ANKS1B: variants seen among roughly 807,000 people sequenced by gnomAD.
ANKS1B encodes ankyrin repeat and sterile alpha motif domain-containing protein 1B.
A neutral mutation model predicts 148.3 loss-of-function variants in ANKS1B; 36 were observed. That is an observed-to-expected ratio of 0.24 (90% confidence interval 0.19 to 0.32). The LOEUF is 0.32. ANKS1B is among the 10% of genes least tolerant of loss of function. The pLI is 1.00. For missense variants in ANKS1B, 1,157 were observed against 1,542.6 expected (o/e 0.75, Z 4.19); for synonymous variants, 542 against 560.8 (o/e 0.97, Z 0.47).
At chr12:98,883,530 T>C (rs967504292) in intron 17 of ANKS1B, among the ~76,000 whole-genome samples, 1 of 152,246 alleles carries the variant, frequency 6.6e-6, no homozygotes, top group Admixed American at 6.5e-5. Flanking sequence ...ATAGCTTACA[T>C]GGCATTCCTC....
intron 14 of ANKS1B, among the ~76,000 whole-genome samples, chr12:99,181,849 T>A (rs2079155105): frequency 6.6e-6 from 1 of 151,872 alleles, no homozygotes; most frequent in African/African-American, 2.4e-5. Context: ...AATTATTATA[T>A]TTAATTATAT....
intron 17 of ANKS1B, among the ~76,000 whole-genome samples, chr12:98,919,868 CA>C (rs1488381992): frequency 6.6e-6 from 1 of 152,056 alleles, no homozygotes; most frequent in Non-Finnish European, 1.5e-5. Flanking sequence ...CAGAGACTAG[CA>C]AAAGGCAGGG....
intron 9 of ANKS1B, among the ~76,000 whole-genome samples, chr12:99,569,839 T>C (rs1175222201): frequency 6.6e-6 from 1 of 152,164 alleles, no homozygotes; most frequent in East Asian, 1.9e-4. Context: ...CTCGGTCCAA[T>C]CCTGCTTCCT....
intron 12 of ANKS1B, among the ~76,000 whole-genome samples, chr12:99,359,919 T>C (rs1028844088): frequency 5.3e-5 from 8 of 152,178 alleles, no homozygotes; most frequent in African/African-American, 1.7e-4. Flanking sequence ...ATGGTTTTGG[T>C]AAAGTGTTAA....
chr12:99,409,281 T>C (rs2094610686), intron 11 of ANKS1B, among the ~76,000 whole-genome samples: 1 of 152,208 alleles, frequency 6.6e-6, no homozygotes, highest in Non-Finnish European at 1.5e-5. Flanking sequence ...CTCATTTATT[T>C]GTAGGAACTA....
At chr12:99,045,024 T>C (rs1042559172) in intron 17 of ANKS1B, among the ~76,000 whole-genome samples, 1 of 152,200 alleles carries the variant, frequency 6.6e-6, no homozygotes, top group Non-Finnish European at 1.5e-5. Flanking sequence ...TACTCTTTGC[T>C]TTATAAACAG....
In ANKS1B at chr12:98,752,352, G is replaced by A. The variant is rs544677322; in HGVS notation, c.3580-830C>T. Among the ~76,000 whole-genome samples the A allele has an allele frequency of 2.2e-3, 334 of 151,976 alleles. 3 individuals carry two copies. Among genetic ancestry groups the A allele is most frequent in the Non-Finnish European group, 3.6e-3 (247 of 67,980 alleles). On this transcript the variant is annotated intron_variant, in intron 25 of 26. Transcript: ENST00000683438. ...TGGCTCACTGCAACCTCCACCTCCC[G>A]GGTTCAAGCGATTCTCTTGCCTCAG...
At chr12:99,332,517 G>T (rs7300352) in intron 12 of ANKS1B, among the ~76,000 whole-genome samples, 6,014 of 151,914 alleles carry the variant, frequency 0.04, 370 homozygotes, top group African/African-American at 0.13. Flanking sequence ...CCCTTAATTA[G>T]ATCATAGATA....
chr12:99,145,590 T>G (rs1381273407), intron 15 of ANKS1B, among the ~76,000 whole-genome samples: 1 of 152,074 alleles, frequency 6.6e-6, no homozygotes, highest in African/African-American at 2.4e-5. Context: ...AAAGCAGACA[T>G]CCTCTTGACA....
At chr12:98,996,516 A>C (rs1355368438) in intron 17 of ANKS1B, among the ~76,000 whole-genome samples, 1 of 152,066 alleles carries the variant, frequency 6.6e-6, no homozygotes, top group Non-Finnish European at 1.5e-5. Flanking sequence ...TTCAGAAAGA[A>C]GGTATTAAGA....
rs1395204772 is a variant in ANKS1B at position 98,894,522 on chromosome 12, C to T, written c.2779-62386G>A. On this transcript the variant is annotated intron_variant, in intron 17 of 26. Transcript: ENST00000683438. ...GCGTCTCCGCAGCCTTCCCGGCTTG[C>T]CCGACTCGGCTTCCTCCGCCTCTGC... is the stretch of plus-strand genomic sequence containing the variant. The T allele has an allele frequency of 7.2e-6, 7 of 967,254 alleles. No individual in the cohort carries two copies. In the African/African-American group the frequency reaches 1.2e-4, roughly 17 times the overall value. 59.9% of individuals were successfully genotyped at this position (967,254 alleles called of 1,614,324 possible).
rs1408944474 is a variant in ANKS1B at position 99,246,498 on chromosome 12, C to T, written c.2123G>A (p.Gly708Glu). ...NGDQWVMNAGGFVERACTLGR... is the reference protein window; with the variant it reads ...NGDQWVMNAGEFVERACTLGR... ...CAGAGTACAGGCTCTCTCCACAAAT[C>T]CCCCTGCGTTCATAACCCACTGGTC... The change falls in exon 13 of 27, where the codon GGA (glycine) becomes GAA (glutamate). Residue 708 changes from glycine to glutamate, a missense_variant. Around this residue, in one of 6 missense-constraint regions of ANKS1B, gnomAD observed 661 missense variants for 642.1 expected, o/e 1.03. Coordinates refer to ENST00000683438, the MANE Select transcript of ANKS1B (RefSeq NM_001352186.2). 6 of 1,613,744 alleles carry T rather than the reference C, an allele frequency of 3.7e-6. No individual in the cohort carries two copies. In the Admixed American group the frequency reaches 5.0e-5, roughly 13 times the overall value.
intron 15 of ANKS1B, among the ~76,000 whole-genome samples, chr12:99,088,945 C>T (rs2053046997): frequency 7.4e-6 from 1 of 134,276 alleles, no homozygotes; most frequent in Non-Finnish European, 1.5e-5. Flanking sequence ...TCCTGTGTTC[C>T]AGTGATTCTC....
intron 8 of ANKS1B, among the ~76,000 whole-genome samples, chr12:99,715,686 C>T (rs2057227094): frequency 6.6e-6 from 1 of 152,116 alleles, no homozygotes; most frequent in Non-Finnish European, 1.5e-5. Flanking sequence ...AAAGATCCAC[C>T]TATGACCTCG....
chr12:99,482,960 G>C (rs1454835528), intron 10 of ANKS1B, among the ~76,000 whole-genome samples: 1 of 151,358 alleles, frequency 6.6e-6, no homozygotes, highest in Non-Finnish European at 1.5e-5. Context: ...AACAGCAATA[G>C]TTTGACTTCT....
chr12:98,975,836 G>T (rs7953519), intron 17 of ANKS1B, among the ~76,000 whole-genome samples: 7,897 of 152,166 alleles, frequency 0.052, 424 homozygotes, highest in African/African-American at 0.13. Context: ...AGGAAGGCCA[G>T]TGTGGTTGGG....
At chr12:99,020,491 A>G (rs970629755) in intron 17 of ANKS1B, among the ~76,000 whole-genome samples, 18 of 152,190 alleles carry the variant, frequency 1.2e-4, no homozygotes, top group Admixed American at 6.5e-5. Context: ...CTGCCCAAAC[A>G]TAAGTGATTT....
chr12:98,880,489 G>A (rs977198395), intron 17 of ANKS1B, among the ~76,000 whole-genome samples: 3 of 151,946 alleles, frequency 2.0e-5, no homozygotes, highest in Non-Finnish European at 1.5e-5. Flanking sequence ...GTTTCTGGCC[G>A]GGCACGGTGG....
chr12:99,944,166 C>T (rs1019810576), intron 1 of ANKS1B, among the ~76,000 whole-genome samples: 1 of 152,202 alleles, frequency 6.6e-6, no homozygotes, highest in Non-Finnish European at 1.5e-5. Flanking sequence ...CAAATTTACC[C>T]CATCTTCATG....
Sources: gnomAD v4.1 joint callset for allele counts (sites outside exome capture counted in the v4.1 genomes callset) on GRCh38, gnomAD v4.1.1 for gene constraint, gnomAD v4.1.1 regional missense constraint, MANE v1.5 for transcripts, NCBI Gene and HGNC (gene_info 2026-07-23, HGNC 2026-07-21) for gene names.